Variants in PLA2G1B observed in about 807,000 individuals in gnomAD.
PLA2G1B encodes phospholipase A2.
PLA2G1B carries 12 observed loss-of-function variants against 12.5 expected under a neutral mutation model. That is an observed-to-expected ratio of 0.96 (90% confidence interval 0.62 to 1.56). PLA2G1B has a LOEUF of 1.56. PLA2G1B is among the 40% of genes most tolerant of loss of function. The pLI, the probability that PLA2G1B is intolerant of heterozygous loss-of-function variation, is 0.00. For missense variants in PLA2G1B, 189 were observed against 186.7 expected (o/e 1.01, Z -0.07); for synonymous variants, 81 against 73.4 (o/e 1.10, Z -0.53).
chr12:120,326,186 T>TG, intron 1 of PLA2G1B, 166 bp from the exon 2 acceptor site: 1 of 413,762 alleles, frequency 2.4e-6, no homozygotes, highest in Non-Finnish European at 4.2e-6. Flanking sequence ...GGTAGAGGTT[T>TG]TTTTTTTTTT....
At chr12:120,323,068 T>C (rs1331970508) in intron 3 of PLA2G1B, among the ~76,000 whole-genome samples, 1 of 152,306 alleles carries the variant, frequency 6.6e-6, no homozygotes, top group East Asian at 1.9e-4. Flanking sequence ...GTAGTAGGAT[T>C]ATAGATGCCT....
chr12:120,326,746 G>A (rs1303964264), intron 1 of PLA2G1B, among the ~76,000 whole-genome samples: 3 of 151,792 alleles, frequency 2.0e-5, no homozygotes, highest in East Asian at 1.9e-4. Context: ...CGAGGCAGGC[G>A]GATCACAAGG....
chr12:120,323,564 C>A (rs966020221), intron 3 of PLA2G1B, among the ~76,000 whole-genome samples: 1 of 152,078 alleles, frequency 6.6e-6, no homozygotes, highest in African/African-American at 2.4e-5. Context: ...CTGTGCCCAA[C>A]TGAGTTATTT....
chr12:120,327,509 A>G (rs879444133), intron 1 of PLA2G1B, among the ~76,000 whole-genome samples: 4 of 152,158 alleles, frequency 2.6e-5, no homozygotes, highest in Non-Finnish European at 5.9e-5. Flanking sequence ...TTCTTAGCTC[A>G]GGCAATCTGA....
At chr12:120,323,758 G>A (rs1873282898) in intron 3 of PLA2G1B, among the ~76,000 whole-genome samples, 1 of 151,932 alleles carries the variant, frequency 6.6e-6, no homozygotes, top group South Asian at 2.1e-4. Flanking sequence ...AGCAAATTAA[G>A]CCATATTATT....
chr12:120,323,440 A>AT lies in PLA2G1B; in HGVS notation c.323-1124dup. Among the ~76,000 whole-genome samples the AT allele has an allele frequency of 2.0e-5, 3 of 151,920 alleles. No homozygotes were observed. In the Middle Eastern group the frequency reaches 0.01, roughly 517 times the overall value. On this transcript the variant is annotated intron_variant, in intron 3 of 3. Transcript: ENST00000308366. ...ATCACTACACCCAGCTAATTTTTGT[A>AT]TTTTTAGTAGAGATAGGGTTTCACC...
In PLA2G1B at chr12:120,324,941, G is replaced by A; in HGVS notation, c.315C>T (p.Thr105=). 6.2e-7 allele frequency: 1 copy of A among 1,614,130 alleles called. No individual in the cohort carries two copies. The highest frequency in any genetic ancestry group is 1.1e-5 in the South Asian group (1 of 91,086). The change falls in exon 3 of 4, where the codon ACC becomes ACT. Residue 105 remains threonine, a synonymous_variant. Transcript: ENST00000308366. ...YSYSCSGSAI[T]CSSKNKECEA... ...AGGAAGGGATAAACCTACTGCTACA[G>A]GTGATTGCCGAGCCAGAGCACGAGT... is the stretch of plus-strand genomic sequence containing the variant.
At position 120,322,264 on chromosome 12, in the gene PLA2G1B, T is replaced by C; in HGVS notation, c.376A>G (p.Ile126Val). 1 of 1,614,042 alleles carries C rather than the reference T, an allele frequency of 6.2e-7. No homozygotes were observed. Among genetic ancestry groups the C allele is most frequent in the Non-Finnish European group, 8.5e-7 (1 of 1,179,948 alleles). ...TTATATGGAGCTTTTGAAAAGCAGATGGCAGCGTTGCGGTCGCAGTTGCAA... is the reference window on the plus strand; with the variant it reads ...TTATATGGAGCTTTTGAAAAGCAGACGGCAGCGTTGCGGTCGCAGTTGCAA... The part of the protein sequence containing the change: ...FICNCDRNAA[I>V]CFSKAPYNKA... The change falls in exon 4 of 4, where the codon ATC (isoleucine) becomes GTC (valine). Residue 126 changes from isoleucine (I) to valine (V), a missense_variant. Transcript: ENST00000308366.
chr12:120,326,007 G>A lies in PLA2G1B; in HGVS notation c.48C>T (p.Asp16=), dbSNP rs1297453516. ...ACACGGCCCGAGGGCTGATGCCGCTGTCGGCGGCGGCCACTGCAAGAAGAC... is the reference window on the plus strand; with the variant it reads ...ACACGGCCCGAGGGCTGATGCCGCTATCGGCGGCGGCCACTGCAAGAAGAC... The part of the protein sequence containing the change: ...LAVLLTVAAA[D]SGISPRAVWQ... The change falls in exon 2 of 4, where the codon GAC becomes GAT. Residue 16 remains aspartate, a synonymous_variant. Coordinates refer to ENST00000308366, the MANE Select transcript of PLA2G1B (RefSeq NM_000928.3). The A allele has an allele frequency of 6.2e-7, 1 of 1,613,926 alleles. No individual in the cohort carries two copies. The highest frequency in any genetic ancestry group is 1.3e-5 in the African/African-American group (1 of 75,034).
At chr12:120,325,802 C>T (rs2136856407) in intron 2 of PLA2G1B, 59 bp downstream of exon 2, 2 of 1,533,578 alleles carry the variant, frequency 1.3e-6, no homozygotes, top group Non-Finnish European at 1.8e-6. Flanking sequence ...AGATCCTTGG[C>T]GTGTGCCCCA....
chr12:120,322,232 T>C lies in PLA2G1B; in HGVS notation c.408A>G (p.Ala136=). The C allele has an allele frequency of 6.2e-7, 1 of 1,614,138 alleles. No individual in the cohort carries two copies. The highest frequency in any genetic ancestry group is 8.5e-7 in the Non-Finnish European group (1 of 1,179,998). The change falls in exon 4 of 4, where the codon GCA becomes GCG. Residue 136 remains alanine, a synonymous_variant. Coordinates refer to ENST00000308366, the MANE Select transcript of PLA2G1B (RefSeq NM_000928.3). ...ACTTCTTGGTGTCCAGGTTCTTGTG[T>C]GCCTTGTTATATGGAGCTTTTGAAA... is the stretch of plus-strand genomic sequence containing the variant. The part of the protein sequence containing the change: ...ICFSKAPYNK[A]HKNLDTKKYC...
chr12:120,323,621 G>T (rs1873279515), intron 3 of PLA2G1B, among the ~76,000 whole-genome samples: 1 of 150,854 alleles, frequency 6.6e-6, no homozygotes, highest in Non-Finnish European at 1.5e-5. Context: ...TCTTGTCTTA[G>T]TTGCAAACAT....
chr12:120,327,260 A>C (rs1592909613), intron 1 of PLA2G1B, among the ~76,000 whole-genome samples: 1 of 152,122 alleles, frequency 6.6e-6, no homozygotes, highest in South Asian at 2.1e-4. Flanking sequence ...ACGCCACCGC[A>C]CTCCAGCCTG....
Position 120,325,030 on chromosome 12 carries a change from G to T in PLA2G1B, c.226C>A (p.Gln76Lys), listed in dbSNP as rs367810711. 1 of 1,613,982 alleles carries T rather than the reference G, an allele frequency of 6.2e-7. No homozygotes were observed. Among genetic ancestry groups the T allele is most frequent in the South Asian group, 1.1e-5 (1 of 91,076 alleles). Residue 76 changes from glutamine (Q) to lysine (K), a missense_variant, in exon 3 of 4, where the codon CAG becomes AAG. Gln to Lys is a moderately conservative substitution (Grantham distance 53, BLOSUM62 1). Transcript: ENST00000308366. The part of the protein sequence containing the change: ...CCQTHDNCYD[Q>K]AKKLDSCKFL... ...TTACAGCTGTCCAGCTTCTTGGCCT[G>T]GTCATAGCAGTTGTCATGTGTCTGG...
At chr12:120,327,131 T>G (rs1476238007) in intron 1 of PLA2G1B, among the ~76,000 whole-genome samples, 1 of 151,232 alleles carries the variant, frequency 6.6e-6, no homozygotes, top group Non-Finnish European at 1.5e-5. Flanking sequence ...ACACAAAAAA[T>G]TAGCTGGGCA....
intron 3 of PLA2G1B, among the ~76,000 whole-genome samples, chr12:120,324,433 A>G (rs1324203364): frequency 6.6e-6 from 1 of 152,196 alleles, no homozygotes; most frequent in Non-Finnish European, 1.5e-5. Context: ...TGGGATGCCA[A>G]GGTAGGAGGA....
chr12:120,323,296 C>T (rs1258588838), intron 3 of PLA2G1B, among the ~76,000 whole-genome samples: 3 of 151,996 alleles, frequency 2.0e-5, no homozygotes, highest in Admixed American at 6.6e-5. Flanking sequence ...GATAGAGTCT[C>T]GCTGTGTCGC....
At chr12:120,326,982 G>T (rs545304848) in intron 1 of PLA2G1B, among the ~76,000 whole-genome samples, 18 of 151,274 alleles carry the variant, frequency 1.2e-4, no homozygotes, top group African/African-American at 2.7e-4. Flanking sequence ...ATAATAATAA[G>T]AATAATAATA....
In PLA2G1B at chr12:120,325,855, A is replaced by G; in HGVS notation, c.194+6T>C. The G allele has an allele frequency of 1.2e-6, 2 of 1,613,084 alleles. No individual in the cohort carries two copies. Among genetic ancestry groups the G allele is most frequent in the Non-Finnish European group, 1.7e-6 (2 of 1,179,434 alleles). On this transcript the variant is annotated splice_donor_region_variant and intron_variant, in intron 2 of 3. Transcript: ENST00000308366. ...ACTCCAATTTTCCTGCAGGCGGATC[A>G]CTTACTTGTCCAGTTCATCCACGGG...
Sources: allele counts gnomAD v4.1 joint callset (sites outside exome capture counted in the v4.1 genomes callset), GRCh38; gene constraint gnomAD v4.1.1; transcripts MANE v1.5; gene names NCBI Gene and HGNC (gene_info 2026-07-23, HGNC 2026-07-21).